DLG2: variants seen among roughly 807,000 people sequenced by gnomAD.
DLG2 encodes discs large MAGUK scaffold protein 2, also known as disks large homolog 2.
In DLG2, 45 loss-of-function variants were observed where a neutral mutation model predicts 132.5. The ratio of observed to expected loss-of-function variants is 0.34; its 90% confidence interval spans 0.27 to 0.44. DLG2 has a LOEUF of 0.44. DLG2 is among the 20% of genes least tolerant of loss of function. The pLI is 1.00. For missense variants in DLG2, 1,045 were observed against 1,196.9 expected (o/e 0.87, Z 1.87); for synonymous variants, 424 against 419.6 (o/e 1.01, Z -0.13).
intron 8 of DLG2, among the ~76,000 whole-genome samples, chr11:84,222,831 A>G (rs2096934838): frequency 6.6e-6 from 1 of 152,232 alleles, no homozygotes; most frequent in Non-Finnish European, 1.5e-5. Context: ...AATTGGAAAG[A>G]TACTAAGAGC....
At chr11:84,300,764 A>C (rs919726365) in intron 7 of DLG2, among the ~76,000 whole-genome samples, 1 of 152,224 alleles carries the variant, frequency 6.6e-6, no homozygotes, top group African/African-American at 2.4e-5. Flanking sequence ...ATGTTCTTCA[A>C]TTTTTAACCT....
chr11:84,867,404 A>C (rs1006974777), intron 6 of DLG2, among the ~76,000 whole-genome samples: 6 of 152,128 alleles, frequency 3.9e-5, no homozygotes, highest in Non-Finnish European at 7.4e-5. Flanking sequence ...CCCACTTTGG[A>C]ATTTCCAGGT....
intron 11 of DLG2, among the ~76,000 whole-genome samples, chr11:84,018,290 A>C (rs1207401634): frequency 6.6e-6 from 1 of 151,964 alleles, no homozygotes; most frequent in Non-Finnish European, 1.5e-5. Context: ...AGTTCAAAAT[A>C]ATACTTTTAA....
At chr11:84,721,135 G>A (rs1378779093) in intron 6 of DLG2, among the ~76,000 whole-genome samples, 1 of 152,102 alleles carries the variant, frequency 6.6e-6, no homozygotes. Flanking sequence ...CTCCGAGGCC[G>A]ACTTCCCGGG....
At chr11:83,858,482 G>T (rs2060908131) in intron 16 of DLG2, among the ~76,000 whole-genome samples, 1 of 152,122 alleles carries the variant, frequency 6.6e-6, no homozygotes, top group South Asian at 2.1e-4. Flanking sequence ...GGAGCTCCTG[G>T]TCAGAAAATT....
chr11:85,533,523 C>T (rs746783910), intron 3 of DLG2, among the ~76,000 whole-genome samples: 27 of 150,812 alleles, frequency 1.8e-4, no homozygotes, highest in Non-Finnish European at 2.9e-4. Flanking sequence ...ATACGTACTA[C>T]ATTTTCTTTA....
chr11:84,934,515 G>GGTTTTTTTTTTTTTTTTTTTTT (rs1566441569), intron 6 of DLG2, among the ~76,000 whole-genome samples: 2 of 40,510 alleles, frequency 4.9e-5, no homozygotes, highest in African/African-American at 1.0e-4. Context: ...TTTTTTTTTT[G>GGTTTTTTTTTTTTTTTTTTTTT]TTTTGTTTTG....
At chr11:84,018,510 C>T (rs986940402) in intron 11 of DLG2, among the ~76,000 whole-genome samples, 1 of 151,832 alleles carries the variant, frequency 6.6e-6, no homozygotes, top group Admixed American at 6.6e-5. Flanking sequence ...GAAATATTAT[C>T]ACCTTAAGAA....
At chr11:84,280,838 C>T (rs1266396105) in intron 7 of DLG2, among the ~76,000 whole-genome samples, 1 of 145,588 alleles carries the variant, frequency 6.9e-6, no homozygotes, top group African/African-American at 2.5e-5. Context: ...GTAGCTGGAA[C>T]TAGAGGCGCC....
chr11:85,420,036 T>C (rs377669), intron 3 of DLG2, among the ~76,000 whole-genome samples: 147,685 of 152,332 alleles, frequency 0.97, 71,611 homozygotes, highest in South Asian at 0.99. Flanking sequence ...AATTTTCAGC[T>C]TTTTTGTGCT....
intron 4 of DLG2, among the ~76,000 whole-genome samples, chr11:85,196,843 GT>G (rs573288084): frequency 6.6e-6 from 1 of 152,292 alleles, no homozygotes; most frequent in Admixed American, 6.5e-5. Context: ...ATAAAGGAAA[GT>G]GTTAAGTCTT....
rs1596543332 is a variant in DLG2, at chr11:85,364,493, T to C, written c.41-79128A>G. ...ATAATTAATTGAGGCTGACTGATTC[T>C]ACACTGACACATGGAGTTGCCAGTG... On this transcript the variant is annotated intron_variant, in intron 3 of 27. Coordinates refer to ENST00000376104, the MANE Select transcript of DLG2 (RefSeq NM_001142699.3). 4.6e-5 allele frequency among the ~76,000 whole-genome samples: 7 copies of C among 152,336 alleles called. No homozygotes were observed. In the South Asian group the frequency reaches 1.5e-3, roughly 32 times the overall value.
chr11:84,532,494 G>A (rs773099958), intron 7 of DLG2, among the ~76,000 whole-genome samples: 2 of 152,034 alleles, frequency 1.3e-5, no homozygotes, highest in Non-Finnish European at 2.9e-5. Flanking sequence ...TTGTGTATCT[G>A]TGTGTTGGGG....
chr11:83,628,316 G>GC (rs2153450487), intron 19 of DLG2, among the ~76,000 whole-genome samples: 1 of 152,236 alleles, frequency 6.6e-6, no homozygotes, highest in African/African-American at 2.4e-5. Context: ...AAGAAAGTAA[G>GC]CCCAGAGAAA....
chr11:83,918,869 T>C (rs1056937926), intron 15 of DLG2, among the ~76,000 whole-genome samples: 6 of 151,928 alleles, frequency 3.9e-5, no homozygotes, highest in African/African-American at 1.2e-4. Flanking sequence ...TAAAATAAAT[T>C]GAAGGCTTCT....
At chr11:84,761,332 T>C (rs1348431459) in intron 6 of DLG2, among the ~76,000 whole-genome samples, 2 of 152,218 alleles carry the variant, frequency 1.3e-5, no homozygotes, top group Non-Finnish European at 2.9e-5. Flanking sequence ...ATGGGGACTT[T>C]TTGCCCTTTC....
intron 7 of DLG2, among the ~76,000 whole-genome samples, chr11:84,382,189 C>T (rs2098751059): frequency 1.3e-5 from 2 of 152,118 alleles, no homozygotes; most frequent in Non-Finnish European, 2.9e-5. Flanking sequence ...TCTAGTTCTT[C>T]GTCACTGGAT....
intron 6 of DLG2, among the ~76,000 whole-genome samples, chr11:84,944,383 C>T (rs2154098979): frequency 6.6e-6 from 1 of 152,134 alleles, no homozygotes; most frequent in South Asian, 2.1e-4. Context: ...CCTTTTGAGG[C>T]TATTTTCTAG....
intron 7 of DLG2, among the ~76,000 whole-genome samples, chr11:84,363,739 T>C (rs2098665009): frequency 6.6e-6 from 1 of 151,618 alleles, no homozygotes; most frequent in Admixed American, 6.6e-5. Context: ...GGCTAGCCAG[T>C]TTTCCCAGCA....
Sources: allele counts gnomAD v4.1 joint callset (sites outside exome capture counted in the v4.1 genomes callset), GRCh38; gene constraint gnomAD v4.1.1; transcripts MANE v1.5; gene names NCBI Gene and HGNC (gene_info 2026-07-23, HGNC 2026-07-21).